The following NEBL variants were observed in gnomAD, a reference collection of about 807,000 sequenced individuals.
NEBL encodes LIM and SH3 protein 2.
Under a neutral mutation model 140.2 loss-of-function variants are expected in NEBL, and 122 were observed. That is an observed-to-expected ratio of 0.87 (90% confidence interval 0.75 to 1.01). NEBL has a LOEUF of 1.01. Ranked by LOEUF, NEBL falls within the 50% of genes least tolerant of loss-of-function variation. The pLI, the probability that NEBL is intolerant of heterozygous loss-of-function variation, is 0.00. For missense variants in NEBL, 1,365 were observed against 1,231.3 expected (o/e 1.11, Z -1.62); for synonymous variants, 436 against 398.9 (o/e 1.09, Z -1.11).
At chr10:20,919,379 G>C (rs1399138787) in intron 4 of NEBL, among the ~76,000 whole-genome samples, 1 of 152,152 alleles carries the variant, frequency 6.6e-6, no homozygotes, top group Non-Finnish European at 1.5e-5. Flanking sequence ...CCCATTCATA[G>C]GGTATCTCTA....
intron 26 of NEBL, among the ~76,000 whole-genome samples, chr10:20,794,767 C>T (rs1185694879): frequency 6.6e-6 from 1 of 152,184 alleles, no homozygotes; most frequent in Non-Finnish European, 1.5e-5. Flanking sequence ...ACCCCGTTAG[C>T]TCAAGATTTT....
At chr10:20,799,143 T>C (rs1409175326) in intron 26 of NEBL, among the ~76,000 whole-genome samples, 3 of 152,204 alleles carry the variant, frequency 2.0e-5, no homozygotes, top group African/African-American at 4.8e-5. Flanking sequence ...AATGATTAGA[T>C]TCATCGCAGA....
At chr10:21,066,138 C>T (rs1164355437) in intron 2 of NEBL, among the ~76,000 whole-genome samples, 3 of 152,184 alleles carry the variant, frequency 2.0e-5, no homozygotes, top group Non-Finnish European at 2.9e-5. Context: ...GGCCACCTCC[C>T]TCCATTCTCA....
intron 2 of NEBL, among the ~76,000 whole-genome samples, chr10:21,064,199 TAA>T (rs1278544055): frequency 2.0e-5 from 3 of 148,048 alleles, no homozygotes; most frequent in African/African-American, 7.3e-5. Flanking sequence ...AGCACATACT[TAA>T]ATATAGAGTT....
At chr10:21,085,354 G>T (rs1333655990) in intron 2 of NEBL, among the ~76,000 whole-genome samples, 1 of 152,154 alleles carries the variant, frequency 6.6e-6, no homozygotes, top group Non-Finnish European at 1.5e-5. Flanking sequence ...AAGTATGGTG[G>T]CTCGTGCCTG....
At chr10:21,206,615 A>T (rs151222476) in intron 3 of NEBL, among the ~76,000 whole-genome samples, 71 of 152,306 alleles carry the variant, frequency 4.7e-4, no homozygotes, top group African/African-American at 1.6e-3. Flanking sequence ...CAGCAGAGAA[A>T]AAGTTTTGTA....
chr10:20,897,565 A>G, upstream of NEBL: 1 of 1,048,922 alleles, frequency 9.5e-7, no homozygotes, highest in African/African-American at 1.7e-5. Flanking sequence ...AAAAGGACTT[A>G]GAGATTCTGG....
intron 9 of NEBL, among the ~76,000 whole-genome samples, chr10:20,857,925 G>A (rs946324584): frequency 5.9e-5 from 9 of 152,096 alleles, no homozygotes; most frequent in African/African-American, 1.9e-4. Context: ...TGACTTGAGA[G>A]CCTGAACTTC....
chr10:20,948,302 A>G (rs1237609257), intron 4 of NEBL, among the ~76,000 whole-genome samples: 1 of 152,256 alleles, frequency 6.6e-6, no homozygotes, highest in African/African-American at 2.4e-5. Flanking sequence ...AACCAATAAC[A>G]TAAAGCCTAG....
chr10:21,030,426 A>G, intron 2 of NEBL: 1 of 638,664 alleles, frequency 1.6e-6, no homozygotes, highest in South Asian at 1.4e-5. Context: ...CTCAGTAAGG[A>G]GGAAGACTGT....
chr10:20,899,114 C>T (rs535410964), upstream of NEBL, among the ~76,000 whole-genome samples: 1 of 152,242 alleles, frequency 6.6e-6, no homozygotes, highest in Admixed American at 6.5e-5. Context: ...TTATTTGTTC[C>T]GTAAAAGGAA....
chr10:20,892,550 T>G (rs148710363), intron 2 of NEBL, among the ~76,000 whole-genome samples: 1 of 152,142 alleles, frequency 6.6e-6, no homozygotes, highest in Non-Finnish European at 1.5e-5. Flanking sequence ...GTTTTTACAG[T>G]CATCTGCACT....
intron 3 of NEBL, among the ~76,000 whole-genome samples, chr10:20,972,302 A>C (rs1286366704): frequency 5.3e-5 from 8 of 152,002 alleles, no homozygotes; most frequent in African/African-American, 1.9e-4. Context: ...ATTGTTCCTA[A>C]CCTCCCTCTC....
At chr10:21,243,793 A>C (rs1405974847) in intron 3 of NEBL, among the ~76,000 whole-genome samples, 1 of 152,170 alleles carries the variant, frequency 6.6e-6, no homozygotes, top group Non-Finnish European at 1.5e-5. Flanking sequence ...GACATTCTGC[A>C]CACATTCCCC....
At chr10:20,793,571 T>A (rs1588611882) in intron 26 of NEBL, among the ~76,000 whole-genome samples, 1 of 150,580 alleles carries the variant, frequency 6.6e-6, no homozygotes, top group South Asian at 2.1e-4. Context: ...TTTTTTTTTT[T>A]AACACAGGAT....
chr10:20,941,647 C>T (rs1183547326), intron 4 of NEBL, among the ~76,000 whole-genome samples: 2 of 151,066 alleles, frequency 1.3e-5, no homozygotes, highest in South Asian at 2.1e-4. Context: ...TCAAATTGTC[C>T]CTGTTTGCAG....
chr10:21,113,159 T>C, intron 2 of NEBL: 1 of 293,126 alleles, frequency 3.4e-6, no homozygotes. Context: ...ATTTTGATGA[T>C]GAGGAAACTG....
At chr10:21,124,789 A>G (rs1284038873) in intron 2 of NEBL, among the ~76,000 whole-genome samples, 1 of 152,188 alleles carries the variant, frequency 6.6e-6, no homozygotes, top group African/African-American at 2.4e-5. Context: ...CCCCATTGTT[A>G]CCAAAAATAC....
At chr10:20,836,323 A>G (rs1444037589) in intron 13 of NEBL, among the ~76,000 whole-genome samples, 1 of 151,850 alleles carries the variant, frequency 6.6e-6, no homozygotes, top group Non-Finnish European at 1.5e-5. Flanking sequence ...CCTGGGTTCA[A>G]GCGATTCTCC....
Sources: gnomAD v4.1 joint callset for allele counts (sites outside exome capture counted in the v4.1 genomes callset) on GRCh38, gnomAD v4.1.1 for gene constraint, MANE v1.5 for transcripts, NCBI Gene and HGNC (gene_info 2026-07-23, HGNC 2026-07-21) for gene names.